Variants in JPH3 observed in about 807,000 individuals in gnomAD.
JPH3 encodes junctophilin-3.
A neutral mutation model predicts 59.6 loss-of-function variants in JPH3; 11 were observed. That is an observed-to-expected ratio of 0.18 (90% confidence interval 0.12 to 0.31). The LOEUF is 0.31. Among genes scored for constraint, JPH3 ranks in the 10% least tolerant of loss-of-function variants. JPH3 has a pLI of 1.00. For synonymous variants in JPH3, 673 were observed against 483.6 expected (o/e 1.39, Z -5.14); for missense variants, 1,202 against 1,105.7 (o/e 1.09, Z -1.24).
chr16:87,690,047 C>T lies in JPH3; in HGVS notation c.1687C>T (p.Arg563Cys), dbSNP rs771342408. The T allele has an allele frequency of 2.5e-5, 39 of 1,560,142 alleles. No individual in the cohort carries two copies. The African/African-American group carries it at 3.6e-4, about 14-fold the overall frequency. ...VDDFRTRGSG[R>C]KQPGNPKPRE... is the part of the protein sequence containing the mutation. Reference sequence around the variant, plus strand: ...TGACTTCCGCACCCGAGGTTCGGGCCGCAAGCAGCCCGGGAACCCCAAGCC... The same window carrying T: ...TGACTTCCGCACCCGAGGTTCGGGCTGCAAGCAGCCCGGGAACCCCAAGCC... Residue 563 changes from arginine to cysteine, a missense_variant, in exon 4 of 5, where the codon CGC (arginine) becomes TGC (cysteine). Coordinates refer to ENST00000284262, the MANE Select transcript of JPH3 (RefSeq NM_020655.4).
chr16:87,676,578 A>G lies in JPH3; in HGVS notation c.1161-7564A>G, dbSNP rs149206163. On this transcript the variant is annotated intron_variant, in intron 2 of 4. Coordinates refer to ENST00000284262, the MANE Select transcript of JPH3 (RefSeq NM_020655.4). ...GTGAAACCCCGTCTCTCCTAAAAAT[A>G]CAAAAATTAGTCAGGCATGGTGGTG... Among the ~76,000 whole-genome samples, 839 of 152,126 alleles carry G rather than the reference A, an allele frequency of 5.5e-3. 9 individuals are homozygous for G. Among genetic ancestry groups the G allele is most frequent in the African/African-American group, 0.019 (775 of 41,460 alleles).
At chr16:87,656,771 C>G (rs993151260) in intron 2 of JPH3, among the ~76,000 whole-genome samples, 4 of 152,160 alleles carry the variant, frequency 2.6e-5, no homozygotes, top group East Asian at 1.9e-4. Context: ...CCTTGTGGCT[C>G]AGCTTGGACT....
chr16:87,620,642 G>C (rs1033792228), intron 1 of JPH3, among the ~76,000 whole-genome samples: 1 of 152,124 alleles, frequency 6.6e-6, no homozygotes, highest in African/African-American at 2.4e-5. Context: ...TGTTTCCTGC[G>C]TTTACACCAC....
chr16:87,626,098 T>G (rs1353326556), intron 1 of JPH3, among the ~76,000 whole-genome samples: 1 of 152,078 alleles, frequency 6.6e-6, no homozygotes, highest in Admixed American at 6.5e-5. Context: ...AACAGGTGTT[T>G]GGTGGGGGAG....
chr16:87,681,229 G>A (rs1402558345), intron 2 of JPH3, among the ~76,000 whole-genome samples: 1 of 148,762 alleles, frequency 6.7e-6, no homozygotes. Flanking sequence ...GAGGTCAGGT[G>A]CGCGCGGTGA....
intron 4 of JPH3, among the ~76,000 whole-genome samples, chr16:87,690,959 G>A (rs563676291): frequency 1.1e-4 from 17 of 152,318 alleles, no homozygotes; most frequent in Non-Finnish European, 1.9e-4. Flanking sequence ...CCCTGGGGCT[G>A]GGAGTCAGGT....
chr16:87,690,376 G>T lies in JPH3; in HGVS notation c.2016G>T (p.Glu672Asp), dbSNP rs1453671936. The T allele has an allele frequency of 1.3e-6, 2 of 1,532,612 alleles. No homozygotes were observed. The highest frequency in any genetic ancestry group is 1.4e-5 in the African/African-American group (1 of 72,140). 94.9% of individuals were successfully genotyped at this position (1,532,612 alleles called of 1,614,324 possible). A position where few individuals can be genotyped will look rare whatever the true frequency, so the allele number is the denominator to read the frequency against. ...ACTTCAGGCCGGCCTCCTCCGCGGA[G>T]CCCGCCGTGCAGAAACTGGCGAGCC... ...KENFRPASSA[E>D]PAVQKLASLR... is the part of the protein sequence containing the mutation. Residue 672 changes from glutamate (E) to aspartate (D), a missense_variant, in exon 4 of 5, where the codon GAG (glutamate) becomes GAT (aspartate). Glu to Asp is a conservative substitution (Grantham distance 45). Coordinates refer to ENST00000284262, the MANE Select transcript of JPH3 (RefSeq NM_020655.4).
intron 2 of JPH3, among the ~76,000 whole-genome samples, chr16:87,673,144 A>G (rs2033059921): frequency 6.6e-6 from 1 of 151,832 alleles, no homozygotes; most frequent in African/African-American, 2.4e-5. Context: ...CGACTCTGTC[A>G]TTAAAAAAAA....
intron 1 of JPH3, among the ~76,000 whole-genome samples, chr16:87,628,281 G>A (rs1334703116): frequency 6.6e-6 from 1 of 152,246 alleles, no homozygotes; most frequent in East Asian, 1.9e-4. Flanking sequence ...ACCCTTCCAC[G>A]GCCCAGGACA....
chr16:87,604,471 C>T (rs2030431257), intron 1 of JPH3: 1 of 1,361,576 alleles, frequency 7.3e-7, no homozygotes. Context: ...AAACTGGCTT[C>T]CCCGACCAGT....
intron 1 of JPH3, among the ~76,000 whole-genome samples, chr16:87,605,767 G>A (rs1186470621): frequency 6.6e-6 from 1 of 152,180 alleles, no homozygotes; most frequent in African/African-American, 2.4e-5. Context: ...GCCTTTGGCT[G>A]CAGGGATCCC....
At position 87,625,632 on chromosome 16, in the gene JPH3, A is replaced by T. The variant is rs1237173048; in HGVS notation, c.383-18626A>T. ...TGTCTCACAGCGCAGACTGGGGGAG[A>T]CGTGAGGATCTAACAGGGGTTCCTG... On this transcript the variant is annotated intron_variant, in intron 1 of 4. Transcript: ENST00000284262. 3.7e-4 allele frequency among the ~76,000 whole-genome samples: 56 copies of T among 152,034 alleles called. 1 individual carries two copies. Among genetic ancestry groups the T allele is most frequent in the Non-Finnish European group, 1.5e-5 (1 of 68,006 alleles).
At chr16:87,632,815 C>A (rs1235253644) in intron 1 of JPH3, among the ~76,000 whole-genome samples, 1 of 152,006 alleles carries the variant, frequency 6.6e-6, no homozygotes, top group East Asian at 1.9e-4. Flanking sequence ...ATTGCTTGAA[C>A]CTGGGAGGTG....
intron 1 of JPH3, among the ~76,000 whole-genome samples, chr16:87,624,335 C>A (rs921398134): frequency 2.0e-5 from 3 of 152,214 alleles, no homozygotes; most frequent in African/African-American, 7.2e-5. Flanking sequence ...GGCTCCCCAC[C>A]CCTGGTGACC....
At chr16:87,655,727 T>C (rs1189017787) in intron 2 of JPH3, among the ~76,000 whole-genome samples, 1 of 152,246 alleles carries the variant, frequency 6.6e-6, no homozygotes, top group African/African-American at 2.4e-5. Flanking sequence ...TCAGAACACG[T>C]AATGAGTGCA....
intron 4 of JPH3, chr16:87,693,907 G>A (rs2033688508): frequency 6.6e-6 from 1 of 152,218 alleles, no homozygotes; most frequent in African/African-American, 2.4e-5. Flanking sequence ...AATCCAAATG[G>A]AAAACCGCCA....
At chr16:87,695,637 C>T (rs989267564) in intron 4 of JPH3, 27 of 455,928 alleles carry the variant, frequency 5.9e-5, no homozygotes, top group African/African-American at 3.8e-4. Flanking sequence ...GTCCAGGAGG[C>T]GTCCATTCCC....
chr16:87,629,156 G>C (rs972568311), intron 1 of JPH3, among the ~76,000 whole-genome samples: 3 of 152,086 alleles, frequency 2.0e-5, no homozygotes, highest in African/African-American at 7.2e-5. Context: ...ATGGGGAAGT[G>C]ACTCCATGCC....
At chr16:87,658,763 C>T (rs564003592) in intron 2 of JPH3, among the ~76,000 whole-genome samples, 1 of 152,336 alleles carries the variant, frequency 6.6e-6, no homozygotes, top group South Asian at 2.1e-4. Context: ...CTCTCTCCTC[C>T]AGCCACCCCT....
Sources: gnomAD v4.1 joint callset for allele counts (sites outside exome capture counted in the v4.1 genomes callset) on GRCh38, gnomAD v4.1.1 for gene constraint, MANE v1.5 for transcripts, NCBI Gene and HGNC (gene_info 2026-07-23, HGNC 2026-07-21) for gene names.